Variants in MRE11 observed in about 807,000 individuals in gnomAD.
MRE11 encodes the protein double-strand break repair protein MRE11.
In MRE11, 62 loss-of-function variants were observed where a neutral mutation model predicts 91.7. The ratio of observed to expected loss-of-function variants is 0.68; its 90% CI spans 0.55 to 0.84. MRE11 has a LOEUF of 0.84. Among genes scored for constraint, MRE11 ranks in the 40% least tolerant of loss-of-function variants. MRE11 has a pLI of 0.00. For missense variants in MRE11, 796 were observed against 852.9 expected (o/e 0.93, Z 0.83); for synonymous variants, 273 against 271.4 (o/e 1.01, Z -0.06).
chr11:94,503,556 G>A, the MRE11 span, among the ~76,000 whole-genome samples: 2 of 152,008 alleles, frequency 1.3e-5, no homozygotes, highest in African/African-American at 4.8e-5. Context: ...TGGGCATGGT[G>A]GCACACCCCT....
intron 14 of MRE11, among the ~76,000 whole-genome samples, chr11:94,449,189 G>A (rs1470624206): frequency 6.6e-6 from 1 of 152,202 alleles, no homozygotes; most frequent in African/African-American, 2.4e-5. Flanking sequence ...GCAGCATAAA[G>A]TGGGACTGAA....
chr11:94,496,772 C>G, upstream of MRE11: 1 of 1,613,766 alleles, frequency 6.2e-7, no homozygotes, highest in Non-Finnish European at 8.5e-7. Flanking sequence ...CTTTAACCAA[C>G]TTGAATTGTT....
In MRE11 at chr11:94,479,827, T is replaced by G. The variant is rs1466625467; in HGVS notation, c.315-66A>C. On this transcript the variant is annotated intron_variant, in intron 4 of 19. Coordinates refer to ENST00000323929, the MANE Select transcript of MRE11 (RefSeq NM_005591.4). The stretch of plus-strand genomic sequence containing the variant: ...AAAGCTGTTTTCCCTAAGATTCTCC[T>G]CCAAAATATTAATGCAATCATAGGC... 3.9e-6 allele frequency: 5 copies of G among 1,278,842 alleles called. No homozygotes were observed. The East Asian group carries it at 9.5e-5, about 24-fold the overall frequency. The allele number at this position is 1,278,842 out of a possible 1,614,324, so 79.2% of individuals were successfully genotyped here.
At position 94,490,596 on chromosome 11, in the gene MRE11, T is replaced by C. The variant is rs532079902; in HGVS notation, c.153+237A>G. 3.3e-5 allele frequency among the ~76,000 whole-genome samples: 5 copies of C among 152,322 alleles called. No individual in the cohort carries two copies. In the South Asian group the frequency reaches 1.0e-3, roughly 32 times the overall value. On this transcript the variant is annotated intron_variant, in intron 3 of 19. Coordinates refer to ENST00000323929, the MANE Select transcript of MRE11 (RefSeq NM_005591.4). ...ATAGACACTGCCACAGGATCCTGCATTCAGTAAACACCCCAAAAACATTTG... is the reference window on the plus strand; with the variant it reads ...ATAGACACTGCCACAGGATCCTGCACTCAGTAAACACCCCAAAAACATTTG...
chr11:94,459,694 G>T, intron 12 of MRE11, 113 bp from the exon 13 acceptor site: 1 of 1,159,420 alleles, frequency 8.6e-7, no homozygotes, highest in Non-Finnish European at 1.2e-6. Context: ...ATAGTGAACA[G>T]CTGTAGTTAA....
At chr11:94,445,321 T>C (rs1025101241) in intron 16 of MRE11, among the ~76,000 whole-genome samples, 2 of 152,222 alleles carry the variant, frequency 1.3e-5, no homozygotes, top group Non-Finnish European at 2.9e-5. Context: ...TTGTTTTGTT[T>C]TGTTTTTGAG....
At chr11:94,493,863 C>T (rs1805360), upstream of MRE11, 5,837 of 152,346 alleles carry the variant, frequency 0.038, 271 homozygotes, top group African/African-American at 0.11. Flanking sequence ...CGCGACACTT[C>T]ATGGATAACG....
rs377251265 is a variant in MRE11 at position 94,423,021 on chromosome 11, T to C, written c.2071-2840A>G. Among the ~76,000 whole-genome samples, 34 of 152,242 alleles carry C rather than the reference T, an allele frequency of 2.2e-4. No homozygotes were observed. In the East Asian group the frequency reaches 3.3e-3, roughly 15 times the overall value. On this transcript the variant is annotated intron_variant, in intron 19 of 19. Transcript: ENST00000323929. Reference sequence around the variant, plus strand: ...AGCTACCGCGCCCAGCCTGAAACTATTTTTAAAAATAATTTTTAGTGGAAG... The same window carrying C: ...AGCTACCGCGCCCAGCCTGAAACTACTTTTAAAAATAATTTTTAGTGGAAG...
intron 16 of MRE11, among the ~76,000 whole-genome samples, chr11:94,441,855 T>C (rs996565781): frequency 6.6e-6 from 1 of 151,292 alleles, no homozygotes; most frequent in Non-Finnish European, 1.5e-5. Flanking sequence ...TGCACATCTG[T>C]AATCCCAGCG....
intron 14 of MRE11, 106 bp downstream of exon 14, chr11:94,456,170 C>T: frequency 9.5e-7 from 1 of 1,051,096 alleles, no homozygotes; most frequent in Non-Finnish European, 1.4e-6. Context: ...CCCCAGCTCA[C>T]TCCTATCCCC....
At chr11:94,503,849 A>G in the MRE11 span, among the ~76,000 whole-genome samples, 752 of 150,812 alleles carry the variant, frequency 5.0e-3, 8 homozygotes, top group African/African-American at 0.017. Context: ...AAAAAAAAAA[A>G]GACTAGCTAT....
chr11:94,431,061 A>G (rs923145844), intron 18 of MRE11, among the ~76,000 whole-genome samples: 6 of 152,220 alleles, frequency 3.9e-5, no homozygotes, highest in Admixed American at 1.3e-4. Context: ...CCCGTCTTCA[A>G]TAAAAGTAGT....
intron 14 of MRE11, 141 bp downstream of exon 14, chr11:94,456,135 A>G: frequency 1.4e-6 from 1 of 707,522 alleles, no homozygotes; most frequent in Non-Finnish European, 2.5e-6. Flanking sequence ...ACTGAAATCA[A>G]CCAAAAGCAG....
the MRE11 span, among the ~76,000 whole-genome samples, chr11:94,500,975 C>A: frequency 6.6e-6 from 1 of 152,150 alleles, no homozygotes; most frequent in African/African-American, 2.4e-5. Flanking sequence ...CCTGCAATGG[C>A]TCTAGGAATT....
In MRE11 at chr11:94,463,536, T is replaced by G. The variant is rs397509354; in HGVS notation, c.1225+577A>C. 7.6e-3 allele frequency among the ~76,000 whole-genome samples: 1,157 copies of G among 152,158 alleles called. 6 individuals carry two copies. The highest frequency in any genetic ancestry group is 0.013 in the Non-Finnish European group (878 of 67,958). ...GCAAAGACTTGGAACCAACCCAAAT[T>G]TCCATCAATGATAGACTGGATTAAG... is the stretch of plus-strand genomic sequence containing the variant. On this transcript the variant is annotated intron_variant, in intron 11 of 19. Transcript: ENST00000323929.
upstream of MRE11, chr11:94,496,959 A>C: frequency 6.2e-7 from 1 of 1,612,790 alleles, no homozygotes; most frequent in Non-Finnish European, 8.5e-7. Context: ...CGGGTAAAAA[A>C]AAAAATTACA....
At position 94,478,741 on chromosome 11, in the gene MRE11, C is replaced by T; in HGVS notation, c.538G>A (p.Gly180Ser). Residue 180 changes from glycine (G) to serine (S), a missense_variant, in exon 6 of 20, where the codon GGT becomes AGT. By Grantham distance (56) the Gly-to-Ser change is moderately conservative. Transcript: ENST00000323929. ...TAAAATAAAACTGTCTTACCTAAACCATATAGCGCAATCTTTGTGCTTCCT... is the reference window on the plus strand; with the variant it reads ...TAAAATAAAACTGTCTTACCTAAACTATATAGCGCAATCTTTGTGCTTCCT... ...QKGSTKIALY[G>S]LGSIPDERLY... 2 of 1,612,394 alleles carry T rather than the reference C, an allele frequency of 1.2e-6. No homozygotes were observed. The highest frequency in any genetic ancestry group is 1.7e-6 in the Non-Finnish European group (2 of 1,179,736).
At chr11:94,451,121 T>TA (rs1005047527) in intron 14 of MRE11, among the ~76,000 whole-genome samples, 61 of 139,564 alleles carry the variant, frequency 4.4e-4, no homozygotes, top group South Asian at 2.0e-3. Context: ...TCCGTCTATA[T>TA]AAAAAAAAAA....
the MRE11 span, chr11:94,499,704 T>C: frequency 6.6e-6 from 1 of 152,144 alleles, no homozygotes; most frequent in Non-Finnish European, 1.5e-5. Context: ...TTTTGCATTG[T>C]CTATCTAGCC....
Sources: gnomAD v4.1 joint callset for allele counts (sites outside exome capture counted in the v4.1 genomes callset) on GRCh38, gnomAD v4.1.1 for gene constraint, MANE v1.5 for transcripts, NCBI Gene and HGNC (gene_info 2026-07-23, HGNC 2026-07-21) for gene names.